The following LRRC4C variants were observed in gnomAD, a reference collection of about 807,000 sequenced individuals.
The protein encoded by LRRC4C is leucine rich repeat containing 4C, also known as leucine-rich repeat-containing protein 4C.
In LRRC4C, 5 loss-of-function variants were observed where a neutral mutation model predicts 33.6. That is an observed-to-expected ratio of 0.15 (90% CI 0.08 to 0.31). LRRC4C has a LOEUF of 0.31. Ranked by LOEUF, LRRC4C falls within the 10% of genes least tolerant of loss-of-function variation. The pLI is 1.00. For missense variants in LRRC4C, 560 were observed against 796.7 expected, an observed-to-expected ratio of 0.70 and a Z score of 3.58; for synonymous variants, 329 against 302.0, an observed-to-expected ratio of 1.09 and a Z score of -0.93.
intron 2 of LRRC4C, among the ~76,000 whole-genome samples, chr11:40,678,315 TC>T (rs1944512771): frequency 6.6e-6 from 1 of 152,024 alleles, no homozygotes; most frequent in African/African-American, 2.4e-5. Flanking sequence ...CATCTAATAG[TC>T]CCCAGTGTCC....
intron 1 of LRRC4C, among the ~76,000 whole-genome samples, chr11:41,106,808 G>A (rs1941524551): frequency 1.3e-5 from 2 of 152,044 alleles, no homozygotes; most frequent in South Asian, 4.2e-4. Context: ...TTGAGCCCAG[G>A]AGATTGAGAA....
At chr11:40,216,083 A>C (rs1423892118) in intron 5 of LRRC4C, among the ~76,000 whole-genome samples, 2 of 152,200 alleles carry the variant, frequency 1.3e-5, no homozygotes, top group Admixed American at 6.5e-5. Context: ...ACTGGAGCAA[A>C]TGGAGCAAAT....
intron 2 of LRRC4C, among the ~76,000 whole-genome samples, chr11:40,886,952 G>A (rs957646739): frequency 4.4e-5 from 6 of 135,310 alleles, no homozygotes; most frequent in South Asian, 2.3e-4. Context: ...ATATATACAC[G>A]TGTGTGTATA....
intron 1 of LRRC4C, among the ~76,000 whole-genome samples, chr11:40,990,533 G>A: frequency 6.6e-6 from 1 of 151,868 alleles, no homozygotes; most frequent in African/African-American, 2.4e-5. Flanking sequence ...GGTTCTCAAT[G>A]CATAATTAAT....
chr11:41,278,602 C>T (rs1300920991), intron 1 of LRRC4C, among the ~76,000 whole-genome samples: 2 of 152,210 alleles, frequency 1.3e-5, no homozygotes, highest in African/African-American at 4.8e-5. Flanking sequence ...TGCTGGGCCT[C>T]GCCCCCTGTG....
chr11:40,152,548 G>A lies in LRRC4C; in HGVS notation c.-95-11695C>T, dbSNP rs111977386. On this transcript the variant is annotated intron_variant, in intron 5 of 6. Transcript: ENST00000528697. ...CTGGGAGGCAGATAGCCTCCAGCAA[G>A]TTTTCAAGTCCCTCTCGCCCTCTGC... Among the ~76,000 whole-genome samples, 845 of 152,306 alleles carry A rather than the reference G, an allele frequency of 5.5e-3. 3 individuals carry two copies. Among genetic ancestry groups the A allele is most frequent in the Non-Finnish European group, 9.0e-3 (612 of 68,018 alleles).
intron 2 of LRRC4C, among the ~76,000 whole-genome samples, chr11:40,830,335 ACTTG>A (rs2135540092): frequency 6.6e-6 from 1 of 152,184 alleles, no homozygotes; most frequent in South Asian, 2.1e-4. Context: ...TATTCCCCAT[ACTTG>A]CTTTAAATGC....
chr11:41,054,016 G>T (rs1858441977), intron 1 of LRRC4C, among the ~76,000 whole-genome samples: 1 of 152,136 alleles, frequency 6.6e-6, no homozygotes, highest in Non-Finnish European at 1.5e-5. Context: ...TAGCATGACT[G>T]GAACTATTCT....
chr11:40,753,073 A>AT (rs924946176), intron 2 of LRRC4C, among the ~76,000 whole-genome samples: 2 of 151,852 alleles, frequency 1.3e-5, no homozygotes, highest in Admixed American at 6.6e-5. Context: ...ATTTTATTTT[A>AT]TTTTTTTGAG....
At chr11:40,275,280 G>A (rs1469271456) in intron 4 of LRRC4C, among the ~76,000 whole-genome samples, 2 of 151,774 alleles carry the variant, frequency 1.3e-5, no homozygotes, top group Non-Finnish European at 2.9e-5. Flanking sequence ...GACCATTGCT[G>A]CATATTAGAA....
chr11:40,202,303 TG>T (rs1862821345), intron 5 of LRRC4C, among the ~76,000 whole-genome samples: 1 of 151,832 alleles, frequency 6.6e-6, no homozygotes, highest in South Asian at 2.1e-4. Flanking sequence ...TTTTTGTTTT[TG>T]TTTTTTTTTA....
chr11:41,308,110 A>G lies in LRRC4C; in HGVS notation c.-496+151321T>C, dbSNP rs57214217. On this transcript the variant is annotated intron_variant, in intron 1 of 6. Transcript: ENST00000528697. ...AGAACCTTGAATAAATAGTATTGAT[A>G]TAGACTAGGCTTGGGAGAAATCAGT... Among the ~76,000 whole-genome samples, 1,091 of 152,320 alleles carry G rather than the reference A, an allele frequency of 7.2e-3. 9 individuals carry two copies. Among genetic ancestry groups the G allele is most frequent in the African/African-American group, 0.024 (1,000 of 41,568 alleles).
rs1026586500 is a variant in LRRC4C at position 41,214,514 on chromosome 11, G to C, written c.-496+244917C>G. Reference sequence around the variant, plus strand: ...TGGGAGGCCAAGGCGGGTGGATCACGAGGTCAGGAGATCGAGACTAACCTG... The same window carrying C: ...TGGGAGGCCAAGGCGGGTGGATCACCAGGTCAGGAGATCGAGACTAACCTG... On this transcript the variant is annotated intron_variant, in intron 1 of 6. Coordinates refer to ENST00000528697, the MANE Select transcript of LRRC4C (RefSeq NM_001258419.2). Among the ~76,000 whole-genome samples, 7 of 145,926 alleles carry C rather than the reference G, an allele frequency of 4.8e-5. No homozygotes were observed. In the South Asian group the frequency reaches 1.5e-3, roughly 32 times the overall value.
At chr11:41,141,785 T>C (rs1943518182) in intron 1 of LRRC4C, among the ~76,000 whole-genome samples, 1 of 152,178 alleles carries the variant, frequency 6.6e-6, no homozygotes, top group African/African-American at 2.4e-5. Context: ...GAAACTGTTT[T>C]CTTTATAAAT....
intron 3 of LRRC4C, among the ~76,000 whole-genome samples, chr11:40,454,540 C>T (rs889312757): frequency 1.3e-5 from 2 of 152,102 alleles, no homozygotes; most frequent in East Asian, 3.9e-4. Flanking sequence ...AGATAACAGT[C>T]GGAAGGAAAC....
intron 2 of LRRC4C, among the ~76,000 whole-genome samples, chr11:40,899,212 G>A (rs962867212): frequency 1.3e-5 from 2 of 152,066 alleles, no homozygotes; most frequent in Admixed American, 1.3e-4. Flanking sequence ...TGCAAGATGT[G>A]TCCTCAAATC....
At chr11:40,858,297 G>A (rs1215642492) in intron 2 of LRRC4C, among the ~76,000 whole-genome samples, 2 of 152,040 alleles carry the variant, frequency 1.3e-5, no homozygotes, top group African/African-American at 4.8e-5. Context: ...CTTGAAAATA[G>A]GAGCAATTAA....
At chr11:40,725,472 C>T (rs890594939) in intron 2 of LRRC4C, among the ~76,000 whole-genome samples, 2 of 151,446 alleles carry the variant, frequency 1.3e-5, no homozygotes, top group African/African-American at 4.9e-5. Flanking sequence ...GCCGAGAATC[C>T]ACCACTGCAC....
At position 40,340,422 on chromosome 11, in the gene LRRC4C, T is replaced by A. The variant is rs988082437; in HGVS notation, c.-269-20701A>T. ...GTCACATAACTACTTTTACCCACCTTGCTCACTGAAAATTCCTCTTCTCTA... is the reference window on the plus strand; with the variant it reads ...GTCACATAACTACTTTTACCCACCTAGCTCACTGAAAATTCCTCTTCTCTA... On this transcript the variant is annotated intron_variant, in intron 3 of 6. Transcript: ENST00000528697. 3.9e-5 allele frequency among the ~76,000 whole-genome samples: 6 copies of A among 152,316 alleles called. No homozygotes were observed. In the East Asian group the frequency reaches 1.2e-3, roughly 29 times the overall value.
Sources: gnomAD v4.1 joint callset for allele counts (sites outside exome capture counted in the v4.1 genomes callset) on GRCh38, gnomAD v4.1.1 for gene constraint, MANE v1.5 for transcripts, NCBI Gene and HGNC (gene_info 2026-07-23, HGNC 2026-07-21) for gene names.